The following CLEC4E variants were observed in gnomAD, a reference collection of about 807,000 sequenced individuals.
CLEC4E encodes the protein C-type (calcium dependent, carbohydrate-recognition domain) lectin, superfamily member 9.
CLEC4E carries 21 observed loss-of-function variants against 24.7 expected under a neutral mutation model. That is an observed-to-expected ratio of 0.85 (90% CI 0.60 to 1.22). CLEC4E has a LOEUF of 1.22. Ranked by LOEUF, CLEC4E falls within the 50% of genes most tolerant of loss-of-function variation. The probability of loss-of-function intolerance (pLI) is 0.00; values close to 1 mark genes in which losing one functional copy is unlikely to be tolerated. For missense variants in CLEC4E, 249 were observed against 254.1 expected (o/e 0.98, Z 0.14); for synonymous variants, 94 against 85.7 (o/e 1.10, Z -0.54).
At chr12:8,539,348 T>C in intron 2 of CLEC4E, 42 bp from the exon 3 acceptor site, 1 of 1,307,946 alleles carries the variant, frequency 7.6e-7, no homozygotes. Flanking sequence ...CTTATTTCGG[T>C]TAAAAATGTC....
In CLEC4E at chr12:8,536,994, A is replaced by G. The variant is rs778151694; in HGVS notation, c.372+121T>C. 1.3e-5 allele frequency: 11 copies of G among 836,098 alleles called. No individual in the cohort carries two copies. In the South Asian group the frequency reaches 3.5e-4, roughly 27 times the overall value. 51.8% of individuals were successfully genotyped at this position (836,098 alleles called of 1,614,324 possible). The stretch of plus-strand genomic sequence containing the variant: ...GTGACTTTACCGAAATAGTAAGAAC[A>G]GCATGCATTTTAGTACATTCATTAA... On this transcript the variant is annotated intron_variant, in intron 4 of 5. Coordinates refer to ENST00000299663, the MANE Select transcript of CLEC4E (RefSeq NM_014358.4).
Position 8,537,129 on chromosome 12 carries a change from A to G in CLEC4E, c.358T>C (p.Ser120Pro), listed in dbSNP as rs1159713236. Residue 120 changes from serine to proline, a missense_variant, in exon 4 of 6, where the codon TCA (serine) becomes CCA (proline). Coordinates refer to ENST00000299663, the MANE Select transcript of CLEC4E (RefSeq NM_014358.4). ...AMGAHLVVIN[S>P]QEEQEFLSYK... ...ACTCCAGCTACCTGCTCCTCCTGTG[A>G]GTTGATAACCACCAGGTGAGCCCCC... is the stretch of plus-strand genomic sequence containing the variant. The G allele has an allele frequency of 6.2e-7, 1 of 1,612,776 alleles. No individual in the cohort carries two copies. The highest frequency in any genetic ancestry group is 8.5e-7 in the Non-Finnish European group (1 of 1,179,202).
intron 4 of CLEC4E, among the ~76,000 whole-genome samples, chr12:8,536,718 A>T (rs893791417): frequency 1.8e-4 from 27 of 152,240 alleles, no homozygotes; most frequent in Non-Finnish European, 3.8e-4. Context: ...TAATTCTTTC[A>T]AAGTTTATCT....
At chr12:8,534,836 A>G in intron 5 of CLEC4E, 27 bp from the exon 6 acceptor site, 1 of 1,585,370 alleles carries the variant, frequency 6.3e-7, no homozygotes. Context: ...TAGGAGACTT[A>G]AAATCCCAGC....
chr12:8,539,284 G>A lies in CLEC4E; in HGVS notation c.153C>T (p.Thr51=). ...RCVVTFRIFQ[T]CDEKKFQLPE... is the part of the protein sequence containing the mutation. ...GTAGCTGAAACTTTTTCTCATCACAGGTTTGAAAGATGCGAAATGTCACTG... is the reference window on the plus strand; with the variant it reads ...GTAGCTGAAACTTTTTCTCATCACAAGTTTGAAAGATGCGAAATGTCACTG... Residue 51 remains threonine, a synonymous_variant, in exon 3 of 6, where the codon ACC becomes ACT. Transcript: ENST00000299663. The A allele has an allele frequency of 6.2e-7, 1 of 1,611,144 alleles. No individual in the cohort carries two copies. Among genetic ancestry groups the A allele is most frequent in the Non-Finnish European group, 8.5e-7 (1 of 1,178,436 alleles).
chr12:8,538,958 T>A, intron 3 of CLEC4E: 1 of 412,322 alleles, frequency 2.4e-6, no homozygotes, highest in Non-Finnish European at 4.3e-6. Flanking sequence ...AAAAAAAAGG[T>A]ACACTCCTGG....
In CLEC4E at chr12:8,538,182, G is replaced by A. The variant is rs191182888; in HGVS notation, c.221-916C>T. Among the ~76,000 whole-genome samples, 933 of 152,354 alleles carry A rather than the reference G, an allele frequency of 6.1e-3. 23 individuals are homozygous for A. The East Asian group carries it at 0.075, about 12-fold the overall frequency. ...CTCCTCCACCTCTTGTGGAGGGCCT[G>A]ACATTAGTCAGGCTTGCCCGCAGTT... On this transcript the variant is annotated intron_variant, in intron 3 of 5. Coordinates refer to ENST00000299663, the MANE Select transcript of CLEC4E (RefSeq NM_014358.4).
chr12:8,539,937 G>A lies in CLEC4E; in HGVS notation c.48C>T (p.Cys16=), dbSNP rs780538996. The change falls in exon 2 of 6, where the codon TGC becomes TGT. Residue 16 remains cysteine (C), a synonymous_variant. Transcript: ENST00000299663. ...TCCATAAGAACATTTGGGAAGAGAA[G>A]CATCCTCTCTCTGTAGAAAGAAAGA... is the stretch of plus-strand genomic sequence containing the variant. ...SSETQCTERG[C]FSSQMFLWTV... 6.3e-7 allele frequency: 1 copy of A among 1,599,750 alleles called. No homozygotes were observed. Among genetic ancestry groups the A allele is most frequent in the South Asian group, 1.1e-5 (1 of 90,824 alleles).
intron 5 of CLEC4E, 150 bp downstream of exon 5, chr12:8,535,940 G>T (rs1940606004): frequency 2.3e-6 from 1 of 440,746 alleles, no homozygotes; most frequent in Admixed American, 4.0e-5. Flanking sequence ...TCCAGGAAAG[G>T]AGAGAAGTGG....
intron 4 of CLEC4E, 131 bp downstream of exon 4, chr12:8,536,984 T>C: frequency 1.3e-6 from 1 of 766,418 alleles, no homozygotes; most frequent in South Asian, 4.2e-5. Flanking sequence ...TTTACCGAAA[T>C]AGTAAGAACA....
rs769005327 is a variant in CLEC4E at position 8,539,965 on chromosome 12, CA to C, written c.38-19del. ...TCCTCTCTCTGTAGAAAGAAAGACA[CA>C]AACATGATCAATCTTCCCTAAGCAA... On this transcript the variant is annotated intron_variant, in intron 1 of 5. Coordinates refer to ENST00000299663, the MANE Select transcript of CLEC4E (RefSeq NM_014358.4). 7.0e-7 allele frequency: 1 copy of C among 1,420,624 alleles called. No individual in the cohort carries two copies. Among genetic ancestry groups the C allele is most frequent in the Non-Finnish European group, 1.0e-6 (1 of 1,003,904 alleles). The allele number at this position is 1,420,624 out of a possible 1,614,324, so 88.0% of individuals were successfully genotyped here. A position where few individuals can be genotyped will look rare whatever the true frequency, so the allele number is the denominator to read the frequency against.
intron 4 of CLEC4E, 59 bp from the exon 5 acceptor site, chr12:8,536,264 A>G: frequency 1.0e-6 from 1 of 976,040 alleles, no homozygotes; most frequent in Admixed American, 1.8e-5. Context: ...AAACGTTGCT[A>G]GTAATTATTA....
At position 8,534,653 on chromosome 12, in the gene CLEC4E, T is replaced by G. The variant is rs748557692; in HGVS notation, c.645A>C (p.Lys215Asn). ...CCTTCTGTTCTTAAAGAGATTTTCCTTTGTTCAAAGGATTTATTCCTACCA... is the reference window on the plus strand; with the variant it reads ...CCTTCTGTTCTTAAAGAGATTTTCCGTTGTTCAAAGGATTTATTCCTACCA... Reference protein sequence around the residue: ...CEMVGINPLNKGKSL With the variant: ...CEMVGINPLNNGKSL Residue 215 changes from lysine (K) to asparagine (N), a missense_variant, in exon 6 of 6, where the codon AAA (lysine) becomes AAC (asparagine). Coordinates refer to ENST00000299663, the MANE Select transcript of CLEC4E (RefSeq NM_014358.4). The G allele has an allele frequency of 6.2e-7, 1 of 1,613,472 alleles. No individual in the cohort carries two copies. The highest frequency in any genetic ancestry group is 2.2e-5 in the East Asian group (1 of 44,874).
chr12:8,534,452 A>C lies in CLEC4E; in HGVS notation c.*186T>G. ...AAGAGGACCTGAGACTAACGTAGAG[A>C]GAAAATGCACTTCAGCCAGTAACAT... On this transcript the variant is annotated 3_prime_UTR_variant, in exon 6 of 6. Coordinates refer to ENST00000299663, the MANE Select transcript of CLEC4E (RefSeq NM_014358.4). 2.1e-6 allele frequency: 1 copy of C among 476,270 alleles called. No individual in the cohort carries two copies. 29.5% of individuals were successfully genotyped at this position (476,270 alleles called of 1,614,324 possible).
chr12:8,534,447 T>C lies in CLEC4E; in HGVS notation c.*191A>G. The C allele has an allele frequency of 2.2e-6, 1 of 463,596 alleles. No homozygotes were observed. Among genetic ancestry groups the C allele is most frequent in the Non-Finnish European group, 3.8e-6 (1 of 261,726 alleles). 28.7% of individuals were successfully genotyped at this position (463,596 alleles called of 1,614,324 possible). On this transcript the variant is annotated 3_prime_UTR_variant, in exon 6 of 6. Transcript: ENST00000299663. ...CTGGGAAGAGGACCTGAGACTAACGTAGAGAGAAAATGCACTTCAGCCAGT... is the reference window on the plus strand; with the variant it reads ...CTGGGAAGAGGACCTGAGACTAACGCAGAGAGAAAATGCACTTCAGCCAGT...
In CLEC4E at chr12:8,540,787, G is replaced by T. The variant is rs144112080; in HGVS notation, c.11C>A (p.Ser4Tyr). The change falls in exon 1 of 6, where the codon TCT (serine) becomes TAT (tyrosine). Residue 4 changes from serine to tyrosine, a missense_variant. Ser to Tyr is a moderately radical substitution (Grantham distance 144, BLOSUM62 -2). Transcript: ENST00000299663. ...TGTGCATTGTGTTTCAGATGATTTA[G>T]ATGAATTCATTTTTTCTCTCTCTTT... MNS[S>Y]KSSETQCTER... 1.5e-4 allele frequency: 247 copies of T among 1,608,212 alleles called. No individual in the cohort carries two copies. The East Asian group carries it at 2.6e-3, about 17-fold the overall frequency.
chr12:8,540,645 C>T (rs1940687229), intron 1 of CLEC4E, 116 bp downstream of exon 1: 2 of 887,292 alleles, frequency 2.3e-6, no homozygotes, highest in Non-Finnish European at 3.5e-6. Context: ...TCCTCTGTCC[C>T]CCCACTTTTT....
intron 1 of CLEC4E, 139 bp from the exon 2 acceptor site, chr12:8,540,086 T>G (rs773752793): frequency 1.3e-4 from 84 of 648,206 alleles, no homozygotes; most frequent in Non-Finnish European, 2.2e-4. Flanking sequence ...TTCAGCATGC[T>G]TCAGAATCAC....
At chr12:8,540,064 T>C (rs1174248146) in intron 1 of CLEC4E, 117 bp from the exon 2 acceptor site, 1 of 714,028 alleles carries the variant, frequency 1.4e-6, no homozygotes, top group Non-Finnish European at 2.5e-6. Flanking sequence ...TTGTACTGAG[T>C]AATTCCCAAA....
Sources: allele counts gnomAD v4.1 joint callset (sites outside exome capture counted in the v4.1 genomes callset), GRCh38; gene constraint gnomAD v4.1.1; transcripts MANE v1.5; gene names NCBI Gene and HGNC (gene_info 2026-07-23, HGNC 2026-07-21).